ALDH7A1: variants seen among roughly 807,000 people sequenced by gnomAD.
ALDH7A1 encodes alpha-aminoadipic semialdehyde dehydrogenase.
A neutral mutation model predicts 79.9 loss-of-function variants in ALDH7A1; 63 were observed. The ratio of observed to expected loss-of-function variants is 0.79; its 90% CI spans 0.64 to 0.97. The LOEUF is 0.97. ALDH7A1 is among the 50% of genes least tolerant of loss of function. The pLI is 0.00. For missense variants in ALDH7A1, 627 were observed against 665.2 expected, an observed-to-expected ratio of 0.94 and a Z score of 0.63; for synonymous variants, 240 against 231.2, an observed-to-expected ratio of 1.04 and a Z score of -0.34.
At chr5:126,545,193 T>C (rs1749745781) in intron 17 of ALDH7A1, among the ~76,000 whole-genome samples, 174 bp from the exon 18 acceptor site, 1 of 152,176 alleles carries the variant, frequency 6.6e-6, no homozygotes, top group African/African-American at 2.4e-5. Flanking sequence ...TCCCGTTTTA[T>C]TTAAAAGAAA....
intron 16 of ALDH7A1, 34 bp downstream of exon 16, chr5:126,549,895 C>T: frequency 2.5e-6 from 4 of 1,606,496 alleles, no homozygotes; most frequent in African/African-American, 1.3e-5. Flanking sequence ...CTTTGCTGCC[C>T]AACATGGAAA....
At chr5:126,573,647 G>A (rs560643059) in intron 7 of ALDH7A1, among the ~76,000 whole-genome samples, 6 of 150,392 alleles carry the variant, frequency 4.0e-5, no homozygotes, top group South Asian at 2.1e-4. Flanking sequence ...TCAGTGAGCC[G>A]AGATCGCACC....
In ALDH7A1 at chr5:126,559,297, T is replaced by C. The variant is rs1750310865; in HGVS notation, c.951A>G (p.Ser317=). Residue 317 remains serine (S), a synonymous_variant, in exon 11 of 18, where the codon TCA becomes TCG. Coordinates refer to ENST00000409134, the MANE Select transcript of ALDH7A1 (RefSeq NM_001182.5). ...EDADLSLVVP[S]ALFAAVGTAG... ...CTGTTCCCACAGCAGCGAAGAGAGCTGATGGAACAACTAAGCTGAGGTCTG... is the reference window on the plus strand; with the variant it reads ...CTGTTCCCACAGCAGCGAAGAGAGCCGATGGAACAACTAAGCTGAGGTCTG... The C allele has an allele frequency of 9.9e-6, 16 of 1,614,092 alleles. No individual in the cohort carries two copies. The highest frequency in any genetic ancestry group is 1.4e-5 in the Non-Finnish European group (16 of 1,179,954).
At chr5:126,558,713 A>T (rs1750291101) in intron 11 of ALDH7A1, among the ~76,000 whole-genome samples, 1 of 151,950 alleles carries the variant, frequency 6.6e-6, no homozygotes, top group African/African-American at 2.4e-5. Flanking sequence ...TTTTATAAAG[A>T]CAGGGAATCA....
At chr5:126,582,038 C>T (rs1751194877) in intron 5 of ALDH7A1, 1 of 397,590 alleles carries the variant, frequency 2.5e-6, no homozygotes, top group African/African-American at 2.1e-5. Context: ...AAAAGATACA[C>T]AAGGGCCTAG....
chr5:126,572,303 G>A (rs1382471455), intron 7 of ALDH7A1, among the ~76,000 whole-genome samples: 1 of 152,124 alleles, frequency 6.6e-6, no homozygotes, highest in Non-Finnish European at 1.5e-5. Flanking sequence ...CAAGGATCAT[G>A]AACTCCAGCT....
chr5:126,544,844 G>C lies in ALDH7A1; in HGVS notation c.*121C>G. ...AATCAGGGCTTTGGGGTCATAGGGG[G>C]ATTAGTCACTGTCACAGTCATAATA... On this transcript the variant is annotated 3_prime_UTR_variant, in exon 18 of 18. Transcript: ENST00000409134. 1.3e-6 allele frequency: 1 copy of C among 787,254 alleles called. No individual in the cohort carries two copies. 48.8% of individuals were successfully genotyped at this position (787,254 alleles called of 1,614,324 possible).
At chr5:126,593,110 C>A (rs1751606678) in intron 2 of ALDH7A1, among the ~76,000 whole-genome samples, 1 of 152,178 alleles carries the variant, frequency 6.6e-6, no homozygotes, top group African/African-American at 2.4e-5. Flanking sequence ...TCTTTCTACG[C>A]TTCACCTTTT....
intron 13 of ALDH7A1, 59 bp downstream of exon 13, chr5:126,554,228 G>T: frequency 6.9e-7 from 1 of 1,443,534 alleles, no homozygotes; most frequent in African/African-American, 1.4e-5. Flanking sequence ...AGCCCTGCTT[G>T]TGTCTCAGGG....
At chr5:126,582,764 G>A in intron 5 of ALDH7A1, 87 bp downstream of exon 5, 1 of 1,497,644 alleles carries the variant, frequency 6.7e-7, no homozygotes, top group South Asian at 1.2e-5. Context: ...TTTCTCTTTT[G>A]CACAGTCAAT....
intron 1 of ALDH7A1, chr5:126,594,534 T>TC (rs1387504592): frequency 1.1e-5 from 3 of 265,202 alleles, no homozygotes; most frequent in Non-Finnish European, 2.2e-5. Flanking sequence ...GACCTCCACC[T>TC]CCCGGGTTCA....
At chr5:126,562,026 G>A (rs1421167988) in intron 9 of ALDH7A1, 1 of 152,054 alleles carries the variant, frequency 6.6e-6, no homozygotes, top group South Asian at 2.1e-4. Context: ...CCACTTCTGA[G>A]TATATAACCA....
At position 126,554,665 on chromosome 5, in the gene ALDH7A1, C is replaced by CT. The variant is rs70994877; in HGVS notation, c.1094-273dup. The stretch of plus-strand genomic sequence containing the variant: ...AAATGAGTGGGTATGTGCCGAGAAA[C>CT]TTTTTTTTACAGAAACAGGCAGAGC... On this transcript the variant is annotated intron_variant, in intron 12 of 17. Transcript: ENST00000409134. The CT allele has an allele frequency of 0.089, 39,278 of 442,944 alleles. 1,940 individuals are homozygous for CT. Among genetic ancestry groups the CT allele is most frequent in the Admixed American group, 0.16 (4,586 of 28,990 alleles). The allele number at this position is 442,944 out of a possible 1,614,324, so 27.4% of individuals were successfully genotyped here. A position where few individuals can be genotyped will look rare whatever the true frequency, so the allele number is the denominator to read the frequency against.
chr5:126,567,248 A>G (rs930125953), intron 9 of ALDH7A1, among the ~76,000 whole-genome samples: 2 of 152,224 alleles, frequency 1.3e-5, no homozygotes, highest in Non-Finnish European at 2.9e-5. Context: ...ACACAGCAGT[A>G]GGGTGGACGC....
At chr5:126,588,008 G>A (rs991685553) in intron 3 of ALDH7A1, 3 of 152,146 alleles carry the variant, frequency 2.0e-5, no homozygotes, top group Non-Finnish European at 4.4e-5. Flanking sequence ...TTGTTGGGAG[G>A]TCTAAAAAGC....
chr5:126,549,068 C>G (rs572480136), intron 16 of ALDH7A1, among the ~76,000 whole-genome samples: 41 of 100,948 alleles, frequency 4.1e-4, no homozygotes, highest in Middle Eastern at 5.3e-3. Flanking sequence ...AGCAAGCCCC[C>G]AGCTCAAAAA....
intron 9 of ALDH7A1, chr5:126,564,448 T>G: frequency 9.8e-7 from 1 of 1,021,012 alleles, no homozygotes; most frequent in Non-Finnish European, 1.3e-6. Context: ...GTGCCCAGCC[T>G]TAGACATACA....
intron 10 of ALDH7A1, among the ~76,000 whole-genome samples, chr5:126,559,708 C>G (rs1750333767): frequency 6.6e-6 from 1 of 152,140 alleles, no homozygotes; most frequent in African/African-American, 2.4e-5. Flanking sequence ...GCTGGGATTA[C>G]AGGCGTGAGC....
In ALDH7A1 at chr5:126,549,812, TA is replaced by T. The variant is rs201058790; in HGVS notation, c.1489+116del. ...GCTTTTTCAGATATGTTAGATCACA[TA>T]AGGTTATTTCAGAATATAAGGAGTG... On this transcript the variant is annotated intron_variant, in intron 16 of 17. Coordinates refer to ENST00000409134, the MANE Select transcript of ALDH7A1 (RefSeq NM_001182.5). The T allele has an allele frequency of 0.01, 9,972 of 959,884 alleles. 94 individuals are homozygous for T. The highest frequency in any genetic ancestry group is 0.022 in the African/African-American group (1,364 of 62,338). The allele number at this position is 959,884 out of a possible 1,614,324, so 59.5% of individuals were successfully genotyped here.
Sources: gnomAD v4.1 joint callset for allele counts (sites outside exome capture counted in the v4.1 genomes callset) on GRCh38, gnomAD v4.1.1 for gene constraint, MANE v1.5 for transcripts, NCBI Gene and HGNC (gene_info 2026-07-23, HGNC 2026-07-21) for gene names.